Variants in ENOX2 observed in about 807,000 individuals in gnomAD.
ENOX2 encodes ecto-NOX disulfide-thiol exchanger 2.
In ENOX2, 36 loss-of-function variants were observed where a neutral mutation model predicts 45.0. The observed-to-expected ratio is 0.80, with a 90% confidence interval of 0.61 to 1.06. ENOX2 has a LOEUF of 1.06. ENOX2 is among the 50% of genes least tolerant of loss of function. The pLI, the probability that ENOX2 is intolerant of heterozygous loss-of-function variation, is 0.00. For synonymous variants in ENOX2, 174 were observed against 152.3 expected (o/e 1.14, Z -1.05); for missense variants, 423 against 462.5 (o/e 0.91, Z 0.78).
At chrX:130,864,183 T>C (rs1035849016) in intron 2 of ENOX2, among the ~76,000 whole-genome samples, 1 of 111,135 alleles carries the variant, frequency 9.0e-6, no homozygotes, top group Non-Finnish European at 1.9e-5. Flanking sequence ...TTAATATATA[T>C]GGGATATCAT....
intron 5 of ENOX2, among the ~76,000 whole-genome samples, chrX:130,686,223 G>C (rs189663861): frequency 7.5e-4 from 83 of 110,926 alleles, no homozygotes; most frequent in African/African-American, 2.6e-3. Flanking sequence ...GGGCCTGATG[G>C]GAGGTGATTG....
chrX:130,783,076 G>A (rs2076919578), intron 3 of ENOX2, among the ~76,000 whole-genome samples: 1 of 111,963 alleles, frequency 8.9e-6, no homozygotes, highest in Non-Finnish European at 1.9e-5. Context: ...GCAGCTATCT[G>A]TATTAGAAGT....
At position 130,625,342 on chromosome X, in the gene ENOX2, C is replaced by A. The variant is rs1180196365; in HGVS notation, c.1718G>T (p.Cys573Phe). 8.3e-7 allele frequency: 1 copy of A among 1,209,921 alleles called. No homozygotes were observed. The highest frequency in any genetic ancestry group is 1.7e-5 in the African/African-American group (1 of 57,215). The change falls in exon 15 of 15, where the codon TGT becomes TTT. Residue 573 changes from cysteine (C) to phenylalanine (F), a missense_variant. This residue lies in a region of ENOX2 where 34 missense variants were observed against 31.3 expected (regional missense o/e 1.09). Transcript: ENST00000394363. ...GASLEKRWKF[C>F]GFEGLKLT ...GGTCAGCTTCAAGCCCTCGAAGCCA[C>A]AGAATTTCCATCTCTTTTCCAGGCT...
intron 2 of ENOX2, among the ~76,000 whole-genome samples, chrX:130,824,985 C>T (rs1268015347): frequency 9.0e-6 from 1 of 110,867 alleles, no homozygotes; most frequent in Non-Finnish European, 1.9e-5. Flanking sequence ...AAGATGCATA[C>T]CTTCCGCAAC....
intron 12 of ENOX2, among the ~76,000 whole-genome samples, chrX:130,633,573 T>C (rs2035845702): frequency 8.8e-6 from 1 of 112,996 alleles, no homozygotes; most frequent in Admixed American, 9.3e-5. Flanking sequence ...ACACTTGCCC[T>C]TAGGCACAAT....
intron 2 of ENOX2, among the ~76,000 whole-genome samples, chrX:130,791,384 A>C (rs1005728993): frequency 9.0e-6 from 1 of 111,240 alleles, no homozygotes; most frequent in East Asian, 2.8e-4. Flanking sequence ...TCCAGAAATG[A>C]GTATTGAACT....
At chrX:130,759,564 C>T (rs1161453695) in intron 3 of ENOX2, among the ~76,000 whole-genome samples, 1 of 79,670 alleles carries the variant, frequency 1.3e-5, no homozygotes, top group Non-Finnish European at 2.2e-5. Flanking sequence ...GGTGACAGAG[C>T]GAGACTATGT....
At chrX:130,668,076 T>TGAGA (rs755689837) in intron 7 of ENOX2, among the ~76,000 whole-genome samples, 1,261 of 102,398 alleles carry the variant, frequency 0.012, 10 homozygotes, top group East Asian at 0.036. Context: ...TGTGTGTGTG[T>TGAGA]GAGAGAGAGA....
At chrX:130,823,714 C>T (rs1358767275) in intron 2 of ENOX2, among the ~76,000 whole-genome samples, 2 of 111,626 alleles carry the variant, frequency 1.8e-5, no homozygotes, top group Admixed American at 9.5e-5. Flanking sequence ...TCCAAATATA[C>T]TTCACTATCC....
chrX:130,767,515 C>T (rs1247532389), intron 3 of ENOX2, among the ~76,000 whole-genome samples: 1 of 111,983 alleles, frequency 8.9e-6, no homozygotes, highest in African/African-American at 3.2e-5. Context: ...TGGGTACCTA[C>T]TATGCATGTA....
intron 2 of ENOX2, among the ~76,000 whole-genome samples, chrX:130,826,050 G>A (rs1265844366): frequency 7.2e-5 from 8 of 110,891 alleles, no homozygotes; most frequent in African/African-American, 2.6e-4. Context: ...CATGGTTTTA[G>A]GTTTCCACTG....
chrX:130,839,379 T>C (rs2148499483), intron 2 of ENOX2, among the ~76,000 whole-genome samples: 1 of 111,708 alleles, frequency 9.0e-6, no homozygotes, highest in Non-Finnish European at 1.9e-5. Context: ...TTAATATCTC[T>C]TCTGGGTCCA....
At chrX:130,822,928 G>C (rs913710584) in intron 2 of ENOX2, among the ~76,000 whole-genome samples, 1 of 112,015 alleles carries the variant, frequency 8.9e-6, no homozygotes, top group Non-Finnish European at 1.9e-5. Flanking sequence ...TGCTAGATTA[G>C]GTATATTAAA....
At chrX:130,815,473 G>GA (rs1232926577) in intron 2 of ENOX2, among the ~76,000 whole-genome samples, 1 of 111,852 alleles carries the variant, frequency 8.9e-6, no homozygotes, top group East Asian at 2.8e-4. Flanking sequence ...TGAAATGAAG[G>GA]AAAAAATGTT....
At chrX:130,714,875 G>A (rs1270215929) in intron 3 of ENOX2, among the ~76,000 whole-genome samples, 1 of 111,422 alleles carries the variant, frequency 9.0e-6, no homozygotes, top group Non-Finnish European at 1.9e-5. Flanking sequence ...GGAGGAGGGA[G>A]GGGAGCACTG....
intron 5 of ENOX2, among the ~76,000 whole-genome samples, chrX:130,683,212 G>T (rs112586037): frequency 0.016 from 1,803 of 111,998 alleles, 10 homozygotes; most frequent in Middle Eastern, 0.023. Context: ...GCAGTATAGA[G>T]AACCGATAAG....
chrX:130,625,550 G>T, intron 14 of ENOX2, 105 bp from the exon 15 acceptor site: 1 of 874,797 alleles, frequency 1.1e-6, no homozygotes, highest in Non-Finnish European at 1.6e-6. Flanking sequence ...TGTGTGTGCT[G>T]CAGGGGCGTT....
At chrX:130,723,219 G>A (rs925150302) in intron 3 of ENOX2, among the ~76,000 whole-genome samples, 4 of 112,374 alleles carry the variant, frequency 3.6e-5, no homozygotes, top group Non-Finnish European at 7.5e-5. Context: ...GTGGCTAAGA[G>A]AACCTCAACA....
intron 6 of ENOX2, 145 bp downstream of exon 6, chrX:130,679,397 G>A (rs926589503): frequency 3.1e-5 from 16 of 509,852 alleles, no homozygotes; most frequent in Non-Finnish European, 5.2e-5. Context: ...AAAGGAAGAA[G>A]TTGAATGGGA....
Sources: allele counts gnomAD v4.1 joint callset (sites outside exome capture counted in the v4.1 genomes callset), GRCh38; gene constraint gnomAD v4.1.1; regional missense constraint gnomAD v4.1.1; transcripts MANE v1.5; gene names NCBI Gene and HGNC (gene_info 2026-07-23, HGNC 2026-07-21).